The following PDE3B variants were observed in gnomAD, a reference collection of about 807,000 sequenced individuals.
PDE3B encodes the protein cGMP-inhibited 3',5'-cyclic phosphodiesterase 3B.
In PDE3B, 66 loss-of-function variants were observed where a neutral mutation model predicts 116.8. The ratio of observed to expected loss-of-function variants is 0.56; its 90% CI spans 0.46 to 0.69. The LOEUF is 0.69. Among genes scored for constraint, PDE3B ranks in the 30% least tolerant of loss-of-function variants. The probability of loss-of-function intolerance (pLI) is 0.00; values close to 1 mark genes in which losing one functional copy is unlikely to be tolerated. For synonymous variants in PDE3B, 595 were observed against 533.6 expected, an observed-to-expected ratio of 1.12 and a Z score of -1.59; for missense variants, 1,384 against 1,368.1, an observed-to-expected ratio of 1.01 and a Z score of -0.18.
At chr11:14,663,638 G>A (rs1854015645) in intron 1 of PDE3B, among the ~76,000 whole-genome samples, 1 of 152,104 alleles carries the variant, frequency 6.6e-6, no homozygotes, top group Non-Finnish European at 1.5e-5. Flanking sequence ...TGATAAAACA[G>A]ACTTTAAACC....
At chr11:14,827,670 A>G (rs1859742032) in intron 7 of PDE3B, among the ~76,000 whole-genome samples, 1 of 152,216 alleles carries the variant, frequency 6.6e-6, no homozygotes, top group African/African-American at 2.4e-5. Context: ...CAGAGATGAC[A>G]CAAACAAATG....
intron 4 of PDE3B, among the ~76,000 whole-genome samples, chr11:14,795,984 T>G (rs1391374220): frequency 6.6e-6 from 1 of 152,114 alleles, no homozygotes; most frequent in Non-Finnish European, 1.5e-5. Flanking sequence ...CATCAACCCG[T>G]CACCTACATT....
intron 1 of PDE3B, among the ~76,000 whole-genome samples, chr11:14,679,294 C>T (rs894047497): frequency 7.2e-5 from 11 of 152,016 alleles, no homozygotes; most frequent in African/African-American, 2.7e-4. Context: ...TTAGTAGAAT[C>T]AATTTGGGTA....
At chr11:14,703,105 A>T (rs1855421695) in intron 1 of PDE3B, among the ~76,000 whole-genome samples, 1 of 151,860 alleles carries the variant, frequency 6.6e-6, no homozygotes, top group Non-Finnish European at 1.5e-5. Context: ...ATAGTCTTTT[A>T]TAAGTATGCA....
intron 5 of PDE3B, among the ~76,000 whole-genome samples, chr11:14,814,592 A>G (rs1012751761): frequency 3.3e-5 from 5 of 152,222 alleles, no homozygotes; most frequent in African/African-American, 1.2e-4. Context: ...GTAACAAGAC[A>G]TAAAAATACT....
At chr11:14,775,480 C>T (rs566176221) in intron 2 of PDE3B, 1 of 152,160 alleles carries the variant, frequency 6.6e-6, no homozygotes, top group African/African-American at 2.4e-5. Context: ...CTGTTACCAT[C>T]CAAATGGAAG....
chr11:14,658,452 G>A (rs1261575390), intron 1 of PDE3B, among the ~76,000 whole-genome samples: 3 of 152,032 alleles, frequency 2.0e-5, no homozygotes, highest in Non-Finnish European at 4.4e-5. Context: ...CGTCTCCTGG[G>A]TTCAAGGATT....
chr11:14,882,893 A>G, the PDE3B span, among the ~76,000 whole-genome samples: 2 of 152,294 alleles, frequency 1.3e-5, no homozygotes, highest in South Asian at 4.1e-4. Context: ...CCAATAACAG[A>G]CAAACACAGA....
At chr11:14,701,576 T>C (rs549570181) in intron 1 of PDE3B, among the ~76,000 whole-genome samples, 2 of 151,836 alleles carry the variant, frequency 1.3e-5, no homozygotes, top group East Asian at 3.9e-4. Flanking sequence ...TCTTAAGGTA[T>C]TTACCTACAT....
the PDE3B span, chr11:14,891,640 G>A: frequency 8.9e-7 from 1 of 1,117,492 alleles, no homozygotes; most frequent in Non-Finnish European, 1.1e-6. Context: ...GAGGGCATGC[G>A]TCCACCCTGG....
chr11:14,847,898 C>A (rs1203897507), intron 12 of PDE3B, among the ~76,000 whole-genome samples: 1 of 152,120 alleles, frequency 6.6e-6, no homozygotes, highest in Non-Finnish European at 1.5e-5. Context: ...CAGCCGAATT[C>A]TACCAGAGGT....
intron 1 of PDE3B, among the ~76,000 whole-genome samples, chr11:14,766,215 G>C (rs960188226): frequency 6.6e-6 from 1 of 151,714 alleles, no homozygotes; most frequent in Non-Finnish European, 1.5e-5. Context: ...TAGGCTGCTT[G>C]TTGTAGGTTC....
intron 4 of PDE3B, among the ~76,000 whole-genome samples, chr11:14,797,455 A>G (rs1271104146): frequency 2.0e-5 from 3 of 152,192 alleles, no homozygotes; most frequent in African/African-American, 7.2e-5. Context: ...AGTTTTTTCT[A>G]ATTCTGTGAA....
At chr11:14,859,291 C>T (rs1488236838) in intron 13 of PDE3B, 45 bp downstream of exon 13, 10 of 1,319,604 alleles carry the variant, frequency 7.6e-6, no homozygotes, top group Non-Finnish European at 1.1e-5. Context: ...TCTTTATTGT[C>T]AGTGTTACTG....
rs775689552 is a variant in PDE3B, at chr11:14,818,391, C to T, written c.1731C>T (p.Asn577=). ...QLRNSDSNLC[N]SCGHQMLKYV... ...GAAATTCTGATAGCAATCTGTGTAACAGGTAAGTTTCCCAACTGTTTATTA... is the reference window on the plus strand; with the variant it reads ...GAAATTCTGATAGCAATCTGTGTAATAGGTAAGTTTCCCAACTGTTTATTA... Residue 577 remains asparagine (N), a splice_region_variant and synonymous_variant, in exon 6 of 16, where the codon AAC becomes AAT. Coordinates refer to ENST00000282096, the MANE Select transcript of PDE3B (RefSeq NM_000922.4). 2 of 1,594,500 alleles carry T rather than the reference C, an allele frequency of 1.3e-6. No homozygotes were observed. The highest frequency in any genetic ancestry group is 1.7e-6 in the Non-Finnish European group (2 of 1,162,318).
downstream of PDE3B, among the ~76,000 whole-genome samples, chr11:14,873,186 T>C (rs1483685623): frequency 6.6e-6 from 1 of 152,218 alleles, no homozygotes; most frequent in African/African-American, 2.4e-5. Flanking sequence ...AACCTAATGA[T>C]AACCAATCAG....
At chr11:14,895,437 C>T in the PDE3B span, among the ~76,000 whole-genome samples, 1 of 152,190 alleles carries the variant, frequency 6.6e-6, no homozygotes, top group East Asian at 1.9e-4. Context: ...AAAGTGTTAT[C>T]TTGCTTTTGA....
intron 12 of PDE3B, among the ~76,000 whole-genome samples, chr11:14,858,278 T>TA (rs1847885620): frequency 6.6e-6 from 1 of 151,176 alleles, no homozygotes; most frequent in African/African-American, 2.4e-5. Context: ...GAAGTTTTTT[T>TA]AATAATTACT....
intron 1 of PDE3B, among the ~76,000 whole-genome samples, chr11:14,702,216 G>T (rs1395962486): frequency 6.6e-6 from 1 of 151,360 alleles, no homozygotes; most frequent in Non-Finnish European, 1.5e-5. Flanking sequence ...TTCTTAGAGG[G>T]GTTCCTTATT....
Sources: allele counts gnomAD v4.1 joint callset (sites outside exome capture counted in the v4.1 genomes callset), GRCh38; gene constraint gnomAD v4.1.1; transcripts MANE v1.5; gene names NCBI Gene and HGNC (gene_info 2026-07-23, HGNC 2026-07-21).